Variants in SSBP2 observed in about 807,000 individuals in gnomAD.
The protein encoded by SSBP2 is single-stranded DNA-binding protein 2.
A neutral mutation model predicts 61.8 loss-of-function variants in SSBP2; 17 were observed. The observed-to-expected ratio is 0.28, with a 90% CI of 0.19 to 0.41. The LOEUF (loss-of-function observed/expected upper bound fraction) is 0.41. SSBP2 is among the 10% of genes least tolerant of loss of function. SSBP2 has a pLI of 1.00. For synonymous variants in SSBP2, 139 were observed against 141.3 expected (o/e 0.98, Z 0.12); for missense variants, 310 against 458.7 (o/e 0.68, Z 2.96).
At chr5:81,507,979 C>G (rs979176384) in intron 5 of SSBP2, among the ~76,000 whole-genome samples, 3 of 152,096 alleles carry the variant, frequency 2.0e-5, no homozygotes, top group Non-Finnish European at 2.9e-5. Context: ...ATGCTGCTGC[C>G]TATTTATATT....
At chr5:81,687,703 C>T (rs1752919756) in intron 1 of SSBP2, among the ~76,000 whole-genome samples, 1 of 152,182 alleles carries the variant, frequency 6.6e-6, no homozygotes, top group Admixed American at 6.5e-5. Flanking sequence ...CGTGAAGTTA[C>T]CATTCCAGGC....
At chr5:81,429,950 A>C (rs1762185466) in intron 15 of SSBP2, among the ~76,000 whole-genome samples, 1 of 152,162 alleles carries the variant, frequency 6.6e-6, no homozygotes, top group Admixed American at 6.5e-5. Context: ...GGACTTGGGA[A>C]ATATACTTTA....
At chr5:81,546,544 T>A (rs1315608837) in intron 4 of SSBP2, among the ~76,000 whole-genome samples, 1 of 152,132 alleles carries the variant, frequency 6.6e-6, no homozygotes, top group Non-Finnish European at 1.5e-5. Flanking sequence ...AGAGATTTAG[T>A]CTTTTTAAGG....
chr5:81,636,517 G>T, intron 3 of SSBP2, 40 bp downstream of exon 3: 1 of 1,475,216 alleles, frequency 6.8e-7, no homozygotes, highest in Admixed American at 1.8e-5. Context: ...CTATTGAAAT[G>T]CATCATCAAG....
At chr5:81,483,869 A>C (rs543774895) in intron 6 of SSBP2, among the ~76,000 whole-genome samples, 10 of 152,282 alleles carry the variant, frequency 6.6e-5, no homozygotes, top group Non-Finnish European at 8.8e-5. Flanking sequence ...CAGCAATTTA[A>C]ATTTAATTAA....
rs2153877713 is a variant in SSBP2 at position 81,418,776 on chromosome 5, T to G, written c.*1728A>C. The G allele has an allele frequency of 6.6e-6, 1 of 152,336 alleles. No individual in the cohort carries two copies. The highest frequency in any genetic ancestry group is 6.5e-5 in the Admixed American group (1 of 15,302). 9.4% of individuals were successfully genotyped at this position (152,336 alleles called of 1,614,324 possible). ...GAAAAGATATGCTAAAAATATGGTATTATAATCTTATAGGACCACTGCTGT... is the reference window on the plus strand; with the variant it reads ...GAAAAGATATGCTAAAAATATGGTAGTATAATCTTATAGGACCACTGCTGT... On this transcript the variant is annotated 3_prime_UTR_variant, in exon 17 of 17. Coordinates refer to ENST00000320672, the MANE Select transcript of SSBP2 (RefSeq NM_012446.5).
chr5:81,679,650 A>G (rs1412278636), intron 1 of SSBP2, among the ~76,000 whole-genome samples: 1 of 152,214 alleles, frequency 6.6e-6, no homozygotes, highest in African/African-American at 2.4e-5. Flanking sequence ...CAACTACAAA[A>G]GGCAAACAAG....
chr5:81,596,353 G>C (rs1743748569), intron 4 of SSBP2, among the ~76,000 whole-genome samples: 2 of 137,054 alleles, frequency 1.5e-5, no homozygotes, highest in African/African-American at 5.6e-5. Flanking sequence ...ACAAACAAAT[G>C]GAAGAACATT....
intron 4 of SSBP2, among the ~76,000 whole-genome samples, chr5:81,552,807 C>T (rs548645458): frequency 1.3e-5 from 2 of 151,916 alleles, no homozygotes; most frequent in African/African-American, 2.4e-5. Context: ...TAGTGATAGA[C>T]TTTTAGTAAT....
At chr5:81,725,612 C>A (rs894016758) in intron 1 of SSBP2, among the ~76,000 whole-genome samples, 5 of 152,088 alleles carry the variant, frequency 3.3e-5, no homozygotes, top group African/African-American at 1.2e-4. Flanking sequence ...AACTAGGTGA[C>A]CATCACCAGA....
rs187050039 is a variant in SSBP2, at chr5:81,478,021, G to A, written c.433-3459C>T. On this transcript the variant is annotated intron_variant, in intron 6 of 16. Coordinates refer to ENST00000320672, the MANE Select transcript of SSBP2 (RefSeq NM_012446.5). ...CTAAGACCAACATCTCAGAATGCCC[G>A]AGGAGAGTTTCAAGAAGGAAAAAGT... Among the ~76,000 whole-genome samples the A allele has an allele frequency of 1.6e-3, 242 of 152,216 alleles. 1 individual carries two copies. The highest frequency in any genetic ancestry group is 3.9e-3 in the African/African-American group (160 of 41,556).
At chr5:81,716,343 C>T (rs1382834308) in intron 1 of SSBP2, among the ~76,000 whole-genome samples, 1 of 152,112 alleles carries the variant, frequency 6.6e-6, no homozygotes, top group Non-Finnish European at 1.5e-5. Flanking sequence ...AAACAATGTG[C>T]TTGTAAAACA....
intron 4 of SSBP2, among the ~76,000 whole-genome samples, chr5:81,606,040 T>C (rs1304870132): frequency 6.6e-6 from 1 of 152,112 alleles, no homozygotes; most frequent in Non-Finnish European, 1.5e-5. Context: ...GAAATGAGCA[T>C]CTCTCAGATA....
At chr5:81,423,688 T>C (rs1336464303) in intron 16 of SSBP2, among the ~76,000 whole-genome samples, 1 of 151,740 alleles carries the variant, frequency 6.6e-6, no homozygotes, top group Admixed American at 6.6e-5. Context: ...GAGGTTGCAG[T>C]GAGCCAAGAT....
intron 7 of SSBP2, among the ~76,000 whole-genome samples, 168 bp downstream of exon 7, chr5:81,474,328 C>A (rs961845377): frequency 6.6e-6 from 1 of 152,102 alleles, no homozygotes; most frequent in Non-Finnish European, 1.5e-5. Flanking sequence ...CACTATCATG[C>A]ATAATTAAGT....
intron 4 of SSBP2, among the ~76,000 whole-genome samples, chr5:81,580,194 T>C (rs1774535079): frequency 6.6e-6 from 1 of 152,218 alleles, no homozygotes; most frequent in Non-Finnish European, 1.5e-5. Context: ...TTATGGACTT[T>C]AGGAGGCAAA....
At chr5:81,520,538 A>G (rs1357474784) in intron 4 of SSBP2, among the ~76,000 whole-genome samples, 1 of 152,156 alleles carries the variant, frequency 6.6e-6, no homozygotes, top group East Asian at 1.9e-4. Context: ...TAATTCACAA[A>G]TAGTTGGAGG....
intron 1 of SSBP2, among the ~76,000 whole-genome samples, chr5:81,736,325 C>T (rs1410567571): frequency 6.6e-6 from 1 of 152,208 alleles, no homozygotes; most frequent in African/African-American, 2.4e-5. Flanking sequence ...CTGCCTTATA[C>T]AGTGCCTGGC....
intron 1 of SSBP2, among the ~76,000 whole-genome samples, chr5:81,734,540 C>CA (rs1450720873): frequency 2.0e-5 from 3 of 152,166 alleles, no homozygotes; most frequent in Non-Finnish European, 4.4e-5. Flanking sequence ...TATAGATAAT[C>CA]AACCAGCAAA....
Sources: gnomAD v4.1 joint callset for allele counts (sites outside exome capture counted in the v4.1 genomes callset) on GRCh38, gnomAD v4.1.1 for gene constraint, MANE v1.5 for transcripts, NCBI Gene and HGNC (gene_info 2026-07-23, HGNC 2026-07-21) for gene names.